DIS3L2: variants seen among roughly 807,000 people sequenced by gnomAD.
The protein encoded by DIS3L2 is DIS3-like exonuclease 2.
In DIS3L2, 34 loss-of-function variants were observed where a neutral mutation model predicts 97.5. The observed-to-expected ratio is 0.35, with a 90% confidence interval of 0.27 to 0.46. The LOEUF (loss-of-function observed/expected upper bound fraction) is 0.46. Among genes scored for constraint, DIS3L2 ranks in the 20% least tolerant of loss-of-function variants. The probability of loss-of-function intolerance (pLI) is 1.00; values close to 1 mark genes in which losing one functional copy is unlikely to be tolerated. For missense variants in DIS3L2, 1,038 were observed against 1,146.0 expected (o/e 0.91, Z 1.36); for synonymous variants, 435 against 445.2 (o/e 0.98, Z 0.29).
intron 8 of DIS3L2, among the ~76,000 whole-genome samples, chr2:232,139,853 A>G (rs867871843): frequency 2.0e-5 from 3 of 152,200 alleles, no homozygotes; most frequent in Non-Finnish European, 2.9e-5. Context: ...AAAGGGTTGC[A>G]ATGGAGGAAA....
chr2:232,184,761 A>G (rs962876152), intron 9 of DIS3L2, among the ~76,000 whole-genome samples: 3 of 152,248 alleles, frequency 2.0e-5, no homozygotes, highest in Admixed American at 1.3e-4. Context: ...GGGCAGGTCA[A>G]AAATGAAATG....
In DIS3L2 at chr2:232,262,813, G is replaced by A. The variant is rs566743640; in HGVS notation, c.1426-394G>A. On this transcript the variant is annotated intron_variant, in intron 12 of 20. Transcript: ENST00000325385. ...CCCCCTTCTCCCTCACTCCACATCC[G>A]AGCTGTTCCCAAGCCTGCAGAGTCC... 2.6e-5 allele frequency among the ~76,000 whole-genome samples: 4 copies of A among 152,074 alleles called. No homozygotes were observed. The East Asian group carries it at 7.7e-4, about 29-fold the overall frequency.
intron 20 of DIS3L2, chr2:232,336,170 G>C: frequency 6.5e-7 from 1 of 1,533,534 alleles, no homozygotes; most frequent in East Asian, 2.5e-5. Flanking sequence ...TGAAAGCTAT[G>C]AGTTTACACC....
intron 9 of DIS3L2, among the ~76,000 whole-genome samples, chr2:232,189,196 A>G (rs942062804): frequency 2.5e-4 from 38 of 152,216 alleles, no homozygotes; most frequent in Admixed American, 1.4e-3. Flanking sequence ...AAAAAACTAA[A>G]CACAACCCGG....
chr2:231,973,053 G>C (rs905323272), intron 1 of DIS3L2, among the ~76,000 whole-genome samples: 1 of 152,160 alleles, frequency 6.6e-6, no homozygotes, highest in Admixed American at 6.5e-5. Flanking sequence ...ATTGGAAAAT[G>C]TTCCTTTTCT....
chr2:232,136,413 C>G, intron 7 of DIS3L2, 59 bp from the exon 8 acceptor site: 1 of 1,592,804 alleles, frequency 6.3e-7, no homozygotes, highest in South Asian at 1.1e-5. Flanking sequence ...GCTGACCTCT[C>G]CCAAGTGTAA....
chr2:232,273,017 C>G (rs1053378199), intron 13 of DIS3L2, among the ~76,000 whole-genome samples: 1 of 152,096 alleles, frequency 6.6e-6, no homozygotes, highest in African/African-American at 2.4e-5. Context: ...AGTCCTACCC[C>G]CAGCCTACTC....
intron 10 of DIS3L2, among the ~76,000 whole-genome samples, chr2:232,215,472 G>A (rs1311885727): frequency 6.6e-6 from 1 of 152,232 alleles, no homozygotes; most frequent in Non-Finnish European, 1.5e-5. Context: ...GGAAGCACCA[G>A]TCTTCCTGCC....
Position 232,268,848 on chromosome 2 carries a change from C to T in DIS3L2, c.1659+5408C>T, listed in dbSNP as rs1030455084. 6.6e-6 allele frequency among the ~76,000 whole-genome samples: 1 copy of T among 152,182 alleles called. No homozygotes were observed. The highest frequency in any genetic ancestry group is 2.4e-5 in the African/African-American group (1 of 41,436). ...GCCAGGCTGGGTAATGGAGAACAGTCGTGCTAAGTTAACTCTCAGGATGGC... is the reference window on the plus strand; with the variant it reads ...GCCAGGCTGGGTAATGGAGAACAGTTGTGCTAAGTTAACTCTCAGGATGGC... On this transcript the variant is annotated intron_variant, in intron 13 of 20. Coordinates refer to ENST00000325385, the MANE Select transcript of DIS3L2 (RefSeq NM_152383.5). The surrounding 1 kb of genome is among the most constrained non-coding windows in gnomAD (Gnocchi z 4.1).
At chr2:231,970,300 A>G (rs971075625) in intron 1 of DIS3L2, among the ~76,000 whole-genome samples, 7 of 152,088 alleles carry the variant, frequency 4.6e-5, no homozygotes, top group Non-Finnish European at 1.0e-4. Flanking sequence ...AAATACAGCC[A>G]TTTGTTGCCT....
intron 9 of DIS3L2, among the ~76,000 whole-genome samples, chr2:232,199,727 G>A (rs1395101203): frequency 1.3e-5 from 2 of 152,180 alleles, no homozygotes; most frequent in Admixed American, 1.3e-4. Flanking sequence ...AACAAACACA[G>A]AAAGGGTAAA....
intron 5 of DIS3L2, among the ~76,000 whole-genome samples, chr2:232,043,757 AATT>A (rs1336389331): frequency 6.6e-6 from 1 of 152,240 alleles, no homozygotes; most frequent in African/African-American, 2.4e-5. Flanking sequence ...AAGGCAAGGA[AATT>A]ATATTTTAAG....
At chr2:232,063,828 T>C (rs7601315) in intron 5 of DIS3L2, among the ~76,000 whole-genome samples, 18,971 of 152,088 alleles carry the variant, frequency 0.12, 2,835 homozygotes, top group African/African-American at 0.36. Context: ...AACTGAAGCG[T>C]CACCTCACTG....
rs116286393 is a variant in DIS3L2 at position 232,281,780 on chromosome 2, G to A, written c.1660-18260G>A. Among the ~76,000 whole-genome samples, 1,546 of 152,264 alleles carry A rather than the reference G, an allele frequency of 0.01. 16 individuals carry two copies. Among genetic ancestry groups the A allele is most frequent in the Non-Finnish European group, 0.016 (1,108 of 68,004 alleles). On this transcript the variant is annotated intron_variant, in intron 13 of 20. Coordinates refer to ENST00000325385, the MANE Select transcript of DIS3L2 (RefSeq NM_152383.5). This position sits in a 1 kb window ranked among gnomAD's most constrained non-coding sequence, Gnocchi z 4.1. The stretch of plus-strand genomic sequence containing the variant: ...TGGAGACCCTCCAGGCTTGAGGTGC[G>A]TGAGCTGCCCACTTAAAGACGCTTG...
intron 13 of DIS3L2, among the ~76,000 whole-genome samples, chr2:232,283,617 ATGT>A (rs913070249): frequency 2.0e-5 from 3 of 151,982 alleles, no homozygotes; most frequent in African/African-American, 4.8e-5. Context: ...GTAGATGTTG[ATGT>A]TGTTTTATAT....
At chr2:231,993,877 A>G (rs1270532168) in intron 1 of DIS3L2, among the ~76,000 whole-genome samples, 3 of 151,958 alleles carry the variant, frequency 2.0e-5, no homozygotes, top group African/African-American at 7.2e-5. Flanking sequence ...GGTTCTAGAA[A>G]TGAAAAAAAT....
intron 14 of DIS3L2, among the ~76,000 whole-genome samples, chr2:232,324,468 T>C (rs1352677665): frequency 1.3e-5 from 2 of 151,890 alleles, no homozygotes; most frequent in African/African-American, 4.8e-5. Flanking sequence ...CCTTTGAAAA[T>C]GGACTAATTT....
intron 14 of DIS3L2, among the ~76,000 whole-genome samples, chr2:232,303,220 G>A (rs1014279085): frequency 2.6e-5 from 4 of 152,198 alleles, no homozygotes; most frequent in Non-Finnish European, 4.4e-5. Flanking sequence ...CATGAGTTAT[G>A]AAGCACGGAG....
chr2:232,336,244 G>A (rs1559221297), intron 20 of DIS3L2: 1 of 1,542,882 alleles, frequency 6.5e-7, no homozygotes, highest in Non-Finnish European at 8.8e-7. Context: ...AGGCCCTCAG[G>A]TTGTGTTTCA....
Sources: gnomAD v4.1 joint callset for allele counts (sites outside exome capture counted in the v4.1 genomes callset) on GRCh38, gnomAD v4.1.1 for gene constraint, Gnocchi (gnomAD v3.1) non-coding constraint, MANE v1.5 for transcripts, NCBI Gene and HGNC (gene_info 2026-07-23, HGNC 2026-07-21) for gene names.